Variants in CSMD2 observed in about 807,000 individuals in gnomAD.
CSMD2 encodes CUB and sushi domain-containing protein 2.
CSMD2 carries 130 observed loss-of-function variants against 398.5 expected under a neutral mutation model. The observed-to-expected ratio is 0.33, with a 90% CI of 0.28 to 0.38. The LOEUF is 0.38. Ranked by LOEUF, CSMD2 falls within the 10% of genes least tolerant of loss-of-function variation. The probability of loss-of-function intolerance (pLI) is 1.00; values close to 1 mark genes in which losing one functional copy is unlikely to be tolerated. For missense variants in CSMD2, 3,829 were observed against 4,764.9 expected, an observed-to-expected ratio of 0.80 and a Z score of 5.78; for synonymous variants, 1,828 against 1,908.5, an observed-to-expected ratio of 0.96 and a Z score of 1.10.
chr1:33,691,291 C>A (rs905413105), intron 25 of CSMD2, among the ~76,000 whole-genome samples: 5 of 152,058 alleles, frequency 3.3e-5, no homozygotes, highest in African/African-American at 1.2e-4. Context: ...CCATGGAATC[C>A]GGTTTCTGAT....
At chr1:33,758,035 G>C (rs906515944) in intron 13 of CSMD2, among the ~76,000 whole-genome samples, 3 of 152,148 alleles carry the variant, frequency 2.0e-5, no homozygotes, top group Admixed American at 2.0e-4. Context: ...AAGACTCCCT[G>C]CTGCACAGAA....
chr1:33,713,381 T>C (rs1646055071), intron 21 of CSMD2, among the ~76,000 whole-genome samples: 1 of 152,236 alleles, frequency 6.6e-6, no homozygotes, highest in Non-Finnish European at 1.5e-5. Context: ...CTGTTTTGTA[T>C]ATTTTTATGG....
chr1:33,540,260 A>C (rs1215550020), intron 60 of CSMD2, among the ~76,000 whole-genome samples: 1 of 132,604 alleles, frequency 7.5e-6, no homozygotes, highest in African/African-American at 2.6e-5. Context: ...ACAACCCTTC[A>C]GGTAAAAAAA....
intron 10 of CSMD2, 69 bp downstream of exon 10, chr1:33,810,674 C>A: frequency 2.0e-6 from 3 of 1,526,618 alleles, no homozygotes; most frequent in Non-Finnish European, 2.7e-6. Flanking sequence ...GTTTGAAAAA[C>A]CTTGTAGGCC....
chr1:34,100,091 AT>A (rs1174246113), intron 1 of CSMD2, among the ~76,000 whole-genome samples: 5 of 152,088 alleles, frequency 3.3e-5, no homozygotes, highest in African/African-American at 1.2e-4. Context: ...TTTTTCTGAG[AT>A]TTTTTTCCAT....
At chr1:33,873,074 T>G (rs1443538217) in intron 5 of CSMD2, among the ~76,000 whole-genome samples, 6 of 152,234 alleles carry the variant, frequency 3.9e-5, no homozygotes, top group Admixed American at 2.6e-4. Context: ...TTTATCTCCT[T>G]AGCTTTTCAA....
At chr1:33,994,090 G>C (rs1646649493) in intron 3 of CSMD2, among the ~76,000 whole-genome samples, 2 of 152,260 alleles carry the variant, frequency 1.3e-5, no homozygotes, top group African/African-American at 2.4e-5. Context: ...AGACACTGGA[G>C]GGCAATATAA....
intron 2 of CSMD2, among the ~76,000 whole-genome samples, chr1:34,084,427 A>C (rs1027608142): frequency 6.6e-6 from 1 of 152,224 alleles, no homozygotes; most frequent in African/African-American, 2.4e-5. Flanking sequence ...AGAAACCACC[A>C]TCAGAGTGAA....
At chr1:34,098,661 T>TA (rs144425428) in intron 1 of CSMD2, among the ~76,000 whole-genome samples, 9,453 of 151,646 alleles carry the variant, frequency 0.062, 836 homozygotes, top group African/African-American at 0.19. Flanking sequence ...CAGGCAATAT[T>TA]AAAAAAAATT....
Position 34,164,973 on chromosome 1 carries a change from G to C in CSMD2, c.125C>G (p.Pro42Arg). The C allele has an allele frequency of 2.5e-6, 3 of 1,211,724 alleles. No individual in the cohort carries two copies. The highest frequency in any genetic ancestry group is 3.1e-6 in the Non-Finnish European group (3 of 975,344). 75.1% of individuals were successfully genotyped at this position (1,211,724 alleles called of 1,614,324 possible). A position where few individuals can be genotyped will look rare whatever the true frequency, so the allele number is the denominator to read the frequency against. Residue 42 changes from proline to arginine, a missense_variant, in exon 1 of 71, where the codon CCA becomes CGA. By Grantham distance (103) the Pro-to-Arg change is moderately radical. Around this residue, in one of 5 missense-constraint regions of CSMD2, gnomAD observed 184 missense variants for 217.7 expected, o/e 0.85. Coordinates refer to ENST00000373381, the MANE Select transcript of CSMD2 (RefSeq NM_001281956.2). The surrounding 1 kb of genome is among the most constrained non-coding windows in gnomAD (Gnocchi z 6.2). ...CAACAGCAGCAGAGGCGGCGGCGTTGGCGGCGGCGGGCGGCCCCAGCGGCT... is the reference window on the plus strand; with the variant it reads ...CAACAGCAGCAGAGGCGGCGGCGTTCGCGGCGGCGGGCGGCCCCAGCGGCT... ...AGSRWGRPPPPTPPPLLLLLG... is the reference protein window; with the variant it reads ...AGSRWGRPPPRTPPPLLLLLG...
chr1:33,984,686 G>A (rs1646289492), intron 3 of CSMD2, among the ~76,000 whole-genome samples: 1 of 152,160 alleles, frequency 6.6e-6, no homozygotes, highest in Non-Finnish European at 1.5e-5. Context: ...GGGAGGTTGA[G>A]GTGAGAGGAT....
At chr1:34,121,660 G>A (rs1662196504) in intron 1 of CSMD2, among the ~76,000 whole-genome samples, 1 of 152,004 alleles carries the variant, frequency 6.6e-6, no homozygotes, top group Non-Finnish European at 1.5e-5. Context: ...GTGGCACCTG[G>A]GAAGCTTTGT....
intron 2 of CSMD2, among the ~76,000 whole-genome samples, chr1:34,059,074 A>C (rs2148253477): frequency 6.6e-6 from 1 of 152,316 alleles, no homozygotes; most frequent in African/African-American, 2.4e-5. Flanking sequence ...GGGTCATGGC[A>C]GGACACAAGT....
At chr1:33,756,918 C>A (rs1056091323) in intron 13 of CSMD2, among the ~76,000 whole-genome samples, 4 of 152,142 alleles carry the variant, frequency 2.6e-5, no homozygotes, top group Middle Eastern at 3.4e-3. Flanking sequence ...AAATGTCCAA[C>A]AATGATAGAC....
intron 26 of CSMD2, among the ~76,000 whole-genome samples, chr1:33,660,096 G>A (rs1382869714): frequency 6.6e-6 from 1 of 152,176 alleles, no homozygotes; most frequent in Non-Finnish European, 1.5e-5. Flanking sequence ...ATTTATATGG[G>A]AGGCAATAGA....
At chr1:33,994,188 A>G (rs1646652786) in intron 3 of CSMD2, among the ~76,000 whole-genome samples, 1 of 152,128 alleles carries the variant, frequency 6.6e-6, no homozygotes, top group South Asian at 2.1e-4. Context: ...AGGGTGGTTA[A>G]ATTTGAGGGA....
At chr1:33,837,838 A>G (rs1344839547) in intron 6 of CSMD2, among the ~76,000 whole-genome samples, 4 of 152,254 alleles carry the variant, frequency 2.6e-5, no homozygotes, top group African/African-American at 9.6e-5. Flanking sequence ...GATAATGACT[A>G]CAGGAGACTG....
Position 33,707,693 on chromosome 1 carries a change from GCGCACACACACACA to G in CSMD2, c.3576+1382_3576+1395del, listed in dbSNP as rs1354670747. Among the ~76,000 whole-genome samples the G allele has an allele frequency of 2.0e-3, 95 of 46,952 alleles. 1 individual carries two copies. Among genetic ancestry groups the G allele is most frequent in the African/African-American group, 5.4e-3 (89 of 16,472 alleles). The allele number at this position is 46,952 out of a possible 152,430, so 30.8% of individuals were successfully genotyped here. A position where few individuals can be genotyped will look rare whatever the true frequency, so the allele number is the denominator to read the frequency against. ...CACGCACGCGTGCACACGCGCGCGC[GCGCACACACACACA>G]CACACACACACACACACACACACAC... On this transcript the variant is annotated intron_variant, in intron 22 of 70. Transcript: ENST00000373381.
chr1:33,799,461 T>C (rs577220128), intron 10 of CSMD2, among the ~76,000 whole-genome samples: 8 of 152,320 alleles, frequency 5.3e-5, no homozygotes, highest in African/African-American at 1.9e-4. Flanking sequence ...ATCTAGTTCA[T>C]AATTTGGGAT....
Sources: allele counts gnomAD v4.1 joint callset (sites outside exome capture counted in the v4.1 genomes callset), GRCh38; gene constraint gnomAD v4.1.1; regional missense constraint gnomAD v4.1.1; non-coding constraint Gnocchi (gnomAD v3.1); transcripts MANE v1.5; gene names NCBI Gene and HGNC (gene_info 2026-07-23, HGNC 2026-07-21).